NRXN3: variants seen among roughly 807,000 people sequenced by gnomAD.
NRXN3 encodes the protein neurexin 3.
In NRXN3, 32 loss-of-function variants were observed where a neutral mutation model predicts 137.6. That is an observed-to-expected ratio of 0.23 (90% CI 0.18 to 0.31). NRXN3 has a LOEUF of 0.31. NRXN3 is among the 10% of genes least tolerant of loss of function. The pLI, the probability that NRXN3 is intolerant of heterozygous loss-of-function variation, is 1.00. For missense variants in NRXN3, 1,574 were observed against 2,062.5 expected (o/e 0.76, Z 4.59); for synonymous variants, 798 against 784.5 (o/e 1.02, Z -0.29).
At chr14:78,211,707 G>T (rs1018685461) in intron 1 of NRXN3, among the ~76,000 whole-genome samples, 15 of 152,240 alleles carry the variant, frequency 9.9e-5, no homozygotes, top group African/African-American at 3.6e-4. Context: ...CTCTTTCTCT[G>T]CAGTAATTGC....
At chr14:79,144,163 A>G (rs906449329) in intron 15 of NRXN3, among the ~76,000 whole-genome samples, 1 of 152,204 alleles carries the variant, frequency 6.6e-6, no homozygotes, top group African/African-American at 2.4e-5. Context: ...GACAAAATCT[A>G]GCCCTGATAA....
chr14:79,564,767 G>T (rs1303725802), intron 16 of NRXN3, among the ~76,000 whole-genome samples: 1 of 152,080 alleles, frequency 6.6e-6, no homozygotes, highest in African/African-American at 2.4e-5. Flanking sequence ...TTTAATGCTT[G>T]TGTTGAGTTG....
At chr14:78,765,075 A>C in intron 8 of NRXN3, among the ~76,000 whole-genome samples, 1 of 144,414 alleles carries the variant, frequency 6.9e-6, no homozygotes, top group East Asian at 1.9e-4. Flanking sequence ...TGCTATGGTC[A>C]CCTCTGTAGA....
At chr14:79,082,322 T>A (rs1407082804) in intron 15 of NRXN3, among the ~76,000 whole-genome samples, 1 of 152,006 alleles carries the variant, frequency 6.6e-6, no homozygotes, top group African/African-American at 2.4e-5. Context: ...GGCACTGGCT[T>A]CATTCTTCTA....
intron 15 of NRXN3, among the ~76,000 whole-genome samples, chr14:79,074,186 C>G (rs570370567): frequency 1.3e-5 from 2 of 152,170 alleles, no homozygotes; most frequent in Non-Finnish European, 2.9e-5. Context: ...TTTCTACAAA[C>G]TAGCTCTGCA....
Position 78,981,015 on chromosome 14 carries a change from A to G in NRXN3, c.3143-7007A>G, listed in dbSNP as rs1471176051. Among the ~76,000 whole-genome samples, 11 of 152,206 alleles carry G rather than the reference A, an allele frequency of 7.2e-5. No individual in the cohort carries two copies. The East Asian group carries it at 2.1e-3, about 29-fold the overall frequency. On this transcript the variant is annotated intron_variant, in intron 14 of 20. Coordinates refer to ENST00000335750, the MANE Select transcript of NRXN3 (RefSeq NM_001330195.2). ...AATTAATAATGACAATGATAAAAAA[A>G]GACTTCATAAATATGTAATTAAACA... is the stretch of plus-strand genomic sequence containing the variant.
intron 15 of NRXN3, among the ~76,000 whole-genome samples, chr14:79,387,419 G>C (rs1324952637): frequency 3.3e-5 from 5 of 151,996 alleles, no homozygotes; most frequent in Admixed American, 6.6e-5. Context: ...TCTCACACCA[G>C]TTAGAATGGC....
At chr14:78,830,429 C>G (rs12893889) in intron 10 of NRXN3, among the ~76,000 whole-genome samples, 1 of 152,108 alleles carries the variant, frequency 6.6e-6, no homozygotes, top group Non-Finnish European at 1.5e-5. Flanking sequence ...AATGCAGCAT[C>G]TCTGCTAACA....
intron 15 of NRXN3, among the ~76,000 whole-genome samples, chr14:79,226,137 C>T (rs1371042141): frequency 6.6e-6 from 1 of 152,092 alleles, no homozygotes; most frequent in African/African-American, 2.4e-5. Flanking sequence ...TCCTTCCACA[C>T]ATTAACTGCA....
chr14:79,015,348 G>A (rs1307255749), intron 15 of NRXN3, among the ~76,000 whole-genome samples: 5 of 152,146 alleles, frequency 3.3e-5, no homozygotes, highest in Non-Finnish European at 7.3e-5. Context: ...CCCAGCTGTG[G>A]GTGATAGATC....
intron 16 of NRXN3, among the ~76,000 whole-genome samples, chr14:79,480,275 C>G (rs183875644): frequency 6.6e-6 from 1 of 152,148 alleles, no homozygotes; most frequent in East Asian, 1.9e-4. Flanking sequence ...CTAAGGTTAA[C>G]AGGTTTTCAT....
At chr14:79,403,200 A>G (rs1211486631) in intron 15 of NRXN3, among the ~76,000 whole-genome samples, 5 of 152,192 alleles carry the variant, frequency 3.3e-5, no homozygotes, top group Non-Finnish European at 5.9e-5. Context: ...CAGAAAAGGT[A>G]AAATGAATTA....
chr14:78,370,446 T>C (rs927180126), intron 4 of NRXN3, among the ~76,000 whole-genome samples: 1 of 152,194 alleles, frequency 6.6e-6, no homozygotes, highest in Non-Finnish European at 1.5e-5. Context: ...TTCCTTGAAA[T>C]AGTTGAAGAA....
intron 14 of NRXN3, among the ~76,000 whole-genome samples, chr14:78,981,515 A>T (rs2099489383): frequency 6.6e-6 from 1 of 152,158 alleles, no homozygotes; most frequent in African/African-American, 2.4e-5. Context: ...TTGCCTTTTG[A>T]TTCAATCAAC....
At chr14:79,605,213 G>C (rs1602881112) in intron 16 of NRXN3, among the ~76,000 whole-genome samples, 1 of 152,128 alleles carries the variant, frequency 6.6e-6, no homozygotes, top group African/African-American at 2.4e-5. Context: ...AGGGCTTCAG[G>C]CCACTGCTGT....
intron 19 of NRXN3, among the ~76,000 whole-genome samples, chr14:79,745,378 A>C (rs116686666): frequency 0.011 from 1,676 of 152,254 alleles, 32 homozygotes; most frequent in African/African-American, 0.039. Context: ...AACCATTTCC[A>C]GCAAACTCCC....
At chr14:79,516,819 G>A (rs563043596) in intron 16 of NRXN3, among the ~76,000 whole-genome samples, 5 of 152,098 alleles carry the variant, frequency 3.3e-5, no homozygotes, top group Non-Finnish European at 7.4e-5. Context: ...CTGCCTTACC[G>A]TATCAGAACA....
chr14:79,808,851 G>C (rs1010554453), intron 20 of NRXN3, among the ~76,000 whole-genome samples: 4 of 152,092 alleles, frequency 2.6e-5, no homozygotes, highest in South Asian at 4.1e-4. Context: ...TTTTGAGTTA[G>C]TTATAAGCAA....
chr14:79,842,583 C>G (rs2099358297), intron 20 of NRXN3, among the ~76,000 whole-genome samples: 1 of 152,020 alleles, frequency 6.6e-6, no homozygotes, highest in Non-Finnish European at 1.5e-5. Context: ...AGGAAAGTGA[C>G]TTGATCTGAT....
Sources: allele counts gnomAD v4.1 joint callset (sites outside exome capture counted in the v4.1 genomes callset), GRCh38; gene constraint gnomAD v4.1.1; transcripts MANE v1.5; gene names NCBI Gene and HGNC (gene_info 2026-07-23, HGNC 2026-07-21).